Variants in TMEM271 observed in about 807,000 individuals in gnomAD.
TMEM271 encodes transmembrane protein 271.
Position 575,031 on chromosome 4 carries a change from C to T in TMEM271, c.1032G>A (p.Gly344=), listed in dbSNP as rs1732405623. 2.5e-6 allele frequency: 1 copy of T among 397,048 alleles called. No individual in the cohort carries two copies. Among genetic ancestry groups the T allele is most frequent in the South Asian group, 1.3e-4 (1 of 7,856 alleles). 24.6% of individuals were successfully genotyped at this position (397,048 alleles called of 1,614,324 possible). A position where few individuals can be genotyped will look rare whatever the true frequency, so the allele number is the denominator to read the frequency against. The change falls in exon 1 of 1, where the codon GGG becomes GGA. Residue 344 remains glycine (G), a synonymous_variant. Coordinates refer to ENST00000610212, the MANE Select transcript of TMEM271 (RefSeq NM_001362796.2). ...LDEAGAEVRC[G]GHPSVELPGY... Reference sequence around the variant, plus strand: ...CCGGCAGCTCCACCGACGGGTGCCCCCCGCAGCGCACCTCCGCGCCCGCCT... The same window carrying T: ...CCGGCAGCTCCACCGACGGGTGCCCTCCGCAGCGCACCTCCGCGCCCGCCT...
rs1732433296 is a variant in TMEM271, at chr4:576,161, C to G, written c.-99G>C. On this transcript the variant is annotated 5_prime_UTR_variant, in exon 1 of 1. Coordinates refer to ENST00000610212, the MANE Select transcript of TMEM271 (RefSeq NM_001362796.2). ...TCCCGGCGCCGCGCGGCCGGACCGC[C>G]GGCCTCCTCCTCATCCTCCCGCGTC... 3 of 143,960 alleles carry G rather than the reference C, an allele frequency of 2.1e-5. No homozygotes were observed. 8.9% of individuals were successfully genotyped at this position (143,960 alleles called of 1,614,324 possible).
chr4:575,811 C>A lies in TMEM271; in HGVS notation c.252G>T (p.Pro84=). Residue 84 remains proline, a synonymous_variant, in exon 1 of 1, where the codon CCG becomes CCT. Transcript: ENST00000610212. ...CCGCGGGGACCCCCAAACCCGGGCCCGGTTCCGACCCCGCGAGGGGCGCGT... is the reference window on the plus strand; with the variant it reads ...CCGCGGGGACCCCCAAACCCGGGCCAGGTTCCGACCCCGCGAGGGGCGCGT... ...PRDAPLAGSE[P]GPGLGVPAAP... The A allele has an allele frequency of 2.7e-6, 1 of 364,192 alleles. No homozygotes were observed. The highest frequency in any genetic ancestry group is 4.9e-6 in the Non-Finnish European group (1 of 204,220). 22.6% of individuals were successfully genotyped at this position (364,192 alleles called of 1,614,324 possible). A position where few individuals can be genotyped will look rare whatever the true frequency, so the allele number is the denominator to read the frequency against.
rs1732392538 is a variant in TMEM271, at chr4:574,354, A to C, written c.*551T>G. 1 of 152,278 alleles carries C rather than the reference A, an allele frequency of 6.6e-6. No homozygotes were observed. Among genetic ancestry groups the C allele is most frequent in the Admixed American group, 6.5e-5 (1 of 15,292 alleles). 9.4% of individuals were successfully genotyped at this position (152,278 alleles called of 1,614,324 possible). A position where few individuals can be genotyped will look rare whatever the true frequency, so the allele number is the denominator to read the frequency against. ...ATTTTAAATTGCAATAAATTTACCAAACATTTTCACTATTTATGGAGAGCT... is the reference window on the plus strand; with the variant it reads ...ATTTTAAATTGCAATAAATTTACCACACATTTTCACTATTTATGGAGAGCT... On this transcript the variant is annotated 3_prime_UTR_variant, in exon 1 of 1. Transcript: ENST00000610212.
Position 575,829 on chromosome 4 carries a change from G to A in TMEM271, c.234C>T (p.Pro78=), listed in dbSNP as rs1732424989. ...CCGGGCCCGGTTCCGACCCCGCGAGGGGCGCGTCCCGGGGTCCGCAGCAGA... is the reference window on the plus strand; with the variant it reads ...CCGGGCCCGGTTCCGACCCCGCGAGAGGCGCGTCCCGGGGTCCGCAGCAGA... ...ALLCCGPRDA[P]LAGSEPGPGL... is the part of the protein sequence containing the mutation. Residue 78 remains proline, a synonymous_variant, in exon 1 of 1, where the codon CCC becomes CCT. Coordinates refer to ENST00000610212, the MANE Select transcript of TMEM271 (RefSeq NM_001362796.2). 2.7e-6 allele frequency: 1 copy of A among 365,780 alleles called. No homozygotes were observed. The highest frequency in any genetic ancestry group is 4.9e-6 in the Non-Finnish European group (1 of 205,150). 22.7% of individuals were successfully genotyped at this position (365,780 alleles called of 1,614,324 possible).
Position 573,913 on chromosome 4 carries a change from T to G in TMEM271, c.*992A>C, listed in dbSNP as rs1732384393. ...ATTACGGGGTATATTTGAAATGAAATGCTATCATACTCAAAATTACCAGAT... is the reference window on the plus strand; with the variant it reads ...ATTACGGGGTATATTTGAAATGAAAGGCTATCATACTCAAAATTACCAGAT... On this transcript the variant is annotated 3_prime_UTR_variant, in exon 1 of 1. Coordinates refer to ENST00000610212, the MANE Select transcript of TMEM271 (RefSeq NM_001362796.2). 6.6e-6 allele frequency: 1 copy of G among 152,182 alleles called. No homozygotes were observed. Among genetic ancestry groups the G allele is most frequent in the Admixed American group, 6.5e-5 (1 of 15,278 alleles). 9.4% of individuals were successfully genotyped at this position (152,182 alleles called of 1,614,324 possible). A position where few individuals can be genotyped will look rare whatever the true frequency, so the allele number is the denominator to read the frequency against.
rs926971697 is a variant in TMEM271 at position 575,192 on chromosome 4, GCCGCCGCCCCCGCCGGCC to G, written c.853_870del (p.Gly285_Arg290del). Reference sequence around the variant, plus strand: ...GAGGCCTCGCTCGGCCGCTGCTGCAGCCGCCGCCCCCGCCGGCCCCGCCGGCCCCGGCGCGCCCGAGAG... The same window carrying G: ...GAGGCCTCGCTCGGCCGCTGCTGCAGCCGCCGGCCCCGGCGCGCCCGAGAG... On this transcript the variant is annotated inframe_deletion, in exon 1 of 1. Transcript: ENST00000610212. 7 of 381,102 alleles carry G rather than the reference GCCGCCGCCCCCGCCGGCC, an allele frequency of 1.8e-5. No homozygotes were observed. Among genetic ancestry groups the G allele is most frequent in the East Asian group, 1.5e-4 (4 of 27,008 alleles). The allele number at this position is 381,102 out of a possible 1,614,324, so 23.6% of individuals were successfully genotyped here.
Position 574,318 on chromosome 4 carries a change from G to A in TMEM271, c.*587C>T, listed in dbSNP as rs966924071. 1 of 152,158 alleles carries A rather than the reference G, an allele frequency of 6.6e-6. No homozygotes were observed. Among genetic ancestry groups the A allele is most frequent in the Non-Finnish European group, 1.5e-5 (1 of 68,034 alleles). The allele number at this position is 152,158 out of a possible 1,614,324, so 9.4% of individuals were successfully genotyped here. The stretch of plus-strand genomic sequence containing the variant: ...ATAACATAGCAATTAATTTAATAAA[G>A]GAACTCACCAATTTTAAATTGCAAT... On this transcript the variant is annotated 3_prime_UTR_variant, in exon 1 of 1. Transcript: ENST00000610212.
chr4:574,648 G>A lies in TMEM271; in HGVS notation c.*257C>T, dbSNP rs1347608571. On this transcript the variant is annotated 3_prime_UTR_variant, in exon 1 of 1. Coordinates refer to ENST00000610212, the MANE Select transcript of TMEM271 (RefSeq NM_001362796.2). ...ATTGTAAACTTGAAAATGGAATCCAGATATGAACGACACAAATAAGAAGAG... is the reference window on the plus strand; with the variant it reads ...ATTGTAAACTTGAAAATGGAATCCAAATATGAACGACACAAATAAGAAGAG... The A allele has an allele frequency of 2.7e-6, 1 of 370,762 alleles. No homozygotes were observed. Among genetic ancestry groups the A allele is most frequent in the Non-Finnish European group, 4.8e-6 (1 of 208,652 alleles). The allele number at this position is 370,762 out of a possible 1,614,324, so 23.0% of individuals were successfully genotyped here. A position where few individuals can be genotyped will look rare whatever the true frequency, so the allele number is the denominator to read the frequency against.
rs1222755177 is a variant in TMEM271 at position 575,694 on chromosome 4, G to C, written c.369C>G (p.Leu123=). ...GPVSSQNLLL[L]GVLVFMLGVL... is the part of the protein sequence containing the mutation. Reference sequence around the variant, plus strand: ...CCCCGAGCATGAAGACCAGGACGCCGAGCAGAAGCAGGTTCTGGCTGCTCA... The same window carrying C: ...CCCCGAGCATGAAGACCAGGACGCCCAGCAGAAGCAGGTTCTGGCTGCTCA... Residue 123 remains leucine, a synonymous_variant, in exon 1 of 1, where the codon CTC becomes CTG. Coordinates refer to ENST00000610212, the MANE Select transcript of TMEM271 (RefSeq NM_001362796.2). 5.6e-6 allele frequency: 2 copies of C among 358,876 alleles called. No individual in the cohort carries two copies. The highest frequency in any genetic ancestry group is 9.4e-5 in the Admixed American group (2 of 21,316). 22.2% of individuals were successfully genotyped at this position (358,876 alleles called of 1,614,324 possible). A position where few individuals can be genotyped will look rare whatever the true frequency, so the allele number is the denominator to read the frequency against.
Position 574,764 on chromosome 4 carries a change from C to T in TMEM271, c.*141G>A, listed in dbSNP as rs1486389107. On this transcript the variant is annotated 3_prime_UTR_variant, in exon 1 of 1. Coordinates refer to ENST00000610212, the MANE Select transcript of TMEM271 (RefSeq NM_001362796.2). ...GGGGCCAGGCCGGAGGCTGCAAAGC[C>T]ACGTGGAAGAGGCGGCGCCCCTGAG... 5.1e-6 allele frequency: 2 copies of T among 391,968 alleles called. No homozygotes were observed. The highest frequency in any genetic ancestry group is 4.5e-6 in the Non-Finnish European group (1 of 222,226). The allele number at this position is 391,968 out of a possible 1,614,324, so 24.3% of individuals were successfully genotyped here.
rs1324458852 is a variant in TMEM271 at position 574,551 on chromosome 4, A to C, written c.*354T>G. 1 of 194,688 alleles carries C rather than the reference A, an allele frequency of 5.1e-6. No individual in the cohort carries two copies. Among genetic ancestry groups the C allele is most frequent in the Non-Finnish European group, 1.0e-5 (1 of 96,590 alleles). 12.1% of individuals were successfully genotyped at this position (194,688 alleles called of 1,614,324 possible). ...CGCTCTGTCCCCCTCGCCTCGGACC[A>C]CCAGGCAGAGCAGCCCCAGGGTTTG... On this transcript the variant is annotated 3_prime_UTR_variant, in exon 1 of 1. Transcript: ENST00000610212.
chr4:576,262 G>A lies in TMEM271; in HGVS notation c.-200C>T. The stretch of plus-strand genomic sequence containing the variant: ...CGCCGCCGCCGCCGCCGCCGCCGCC[G>A]CGACCCCGCGCCGGGAACCGATGCG... On this transcript the variant is annotated 5_prime_UTR_variant, in exon 1 of 1. Coordinates refer to ENST00000610212, the MANE Select transcript of TMEM271 (RefSeq NM_001362796.2). The A allele has an allele frequency of 6.9e-6, 1 of 144,436 alleles. No homozygotes were observed. Among genetic ancestry groups the A allele is most frequent in the Non-Finnish European group, 1.5e-5 (1 of 68,624 alleles). The allele number at this position is 144,436 out of a possible 1,614,324, so 8.9% of individuals were successfully genotyped here.
chr4:574,736 G>A lies in TMEM271; in HGVS notation c.*169C>T, dbSNP rs1286970652. ...CCCTCCTGTGGTCACGGAGCCCGCA[G>A]AGGGGGCCAGGCCGGAGGCTGCAAA... is the stretch of plus-strand genomic sequence containing the variant. On this transcript the variant is annotated 3_prime_UTR_variant, in exon 1 of 1. Transcript: ENST00000610212. The A allele has an allele frequency of 2.6e-6, 1 of 391,580 alleles. No homozygotes were observed. Among genetic ancestry groups the A allele is most frequent in the African/African-American group, 2.1e-5 (1 of 48,336 alleles). The allele number at this position is 391,580 out of a possible 1,614,324, so 24.3% of individuals were successfully genotyped here.
rs1434833899 is a variant in TMEM271, at chr4:575,261, A to C, written c.802T>G (p.Ser268Ala). ...GCGGGCGGCTGCGCGCGGAGCCCGG[A>C]GCCGCCGCGGGGCCGCGCCAGGGCC... ...GRALARPRGG[S>A]GLRAQPPASR... Residue 268 changes from serine (S) to alanine (A), a missense_variant, in exon 1 of 1, where the codon TCC becomes GCC. Physicochemically the swap from Ser to Ala is moderately conservative, Grantham distance 99. Transcript: ENST00000610212. 2 of 163,262 alleles carry C rather than the reference A, an allele frequency of 1.2e-5. No individual in the cohort carries two copies. Among genetic ancestry groups the C allele is most frequent in the Non-Finnish European group, 2.6e-5 (2 of 77,420 alleles). 10.1% of individuals were successfully genotyped at this position (163,262 alleles called of 1,614,324 possible). A position where few individuals can be genotyped will look rare whatever the true frequency, so the allele number is the denominator to read the frequency against.
rs1241660528 is a variant in TMEM271, at chr4:574,724, A to G, written c.*181T>C. ...ACATCAGGGGCCCCCTCCTGTGGTC[A>G]CGGAGCCCGCAGAGGGGGCCAGGCC... is the stretch of plus-strand genomic sequence containing the variant. On this transcript the variant is annotated 3_prime_UTR_variant, in exon 1 of 1. Transcript: ENST00000610212. The G allele has an allele frequency of 2.6e-6, 1 of 391,328 alleles. No homozygotes were observed. 24.2% of individuals were successfully genotyped at this position (391,328 alleles called of 1,614,324 possible). A position where few individuals can be genotyped will look rare whatever the true frequency, so the allele number is the denominator to read the frequency against.
rs1022179402 is a variant in TMEM271, at chr4:574,479, GTC to G, written c.*424_*425del. ...CTTTCTGAATTACCAGCTGCTCTGC[GTC>G]TCTGTCTGCTCTTCCTCCGTGGGAA... On this transcript the variant is annotated 3_prime_UTR_variant, in exon 1 of 1. Transcript: ENST00000610212. 3 of 163,130 alleles carry G rather than the reference GTC, an allele frequency of 1.8e-5. No individual in the cohort carries two copies. Among genetic ancestry groups the G allele is most frequent in the African/African-American group, 7.1e-5 (3 of 42,038 alleles). 10.1% of individuals were successfully genotyped at this position (163,130 alleles called of 1,614,324 possible). A position where few individuals can be genotyped will look rare whatever the true frequency, so the allele number is the denominator to read the frequency against.
chr4:575,340 G>C lies in TMEM271; in HGVS notation c.723C>G (p.Asn241Lys), dbSNP rs1732412971. Residue 241 changes from asparagine (N) to lysine (K), a missense_variant, in exon 1 of 1, where the codon AAC (asparagine) becomes AAG (lysine). Asn to Lys is a moderately conservative substitution (Grantham distance 94, BLOSUM62 0). Coordinates refer to ENST00000610212, the MANE Select transcript of TMEM271 (RefSeq NM_001362796.2). ...LGLLSLLLVK[N>K]YKSSQARRGR... ...CGCGCCGGGCCTGCGACGACTTGTAGTTCTTGACGAGCAGGAGGCTGAGCA... is the reference window on the plus strand; with the variant it reads ...CGCGCCGGGCCTGCGACGACTTGTACTTCTTGACGAGCAGGAGGCTGAGCA... 4.1e-6 allele frequency: 1 copy of C among 246,112 alleles called. No homozygotes were observed. The highest frequency in any genetic ancestry group is 7.8e-6 in the Non-Finnish European group (1 of 128,476). The allele number at this position is 246,112 out of a possible 1,614,324, so 15.2% of individuals were successfully genotyped here.
At position 574,826 on chromosome 4, in the gene TMEM271, C is replaced by T. The variant is rs1310150512; in HGVS notation, c.*79G>A. 7.6e-6 allele frequency: 3 copies of T among 393,844 alleles called. No individual in the cohort carries two copies. Among genetic ancestry groups the T allele is most frequent in the Non-Finnish European group, 1.3e-5 (3 of 223,120 alleles). The allele number at this position is 393,844 out of a possible 1,614,324, so 24.4% of individuals were successfully genotyped here. On this transcript the variant is annotated 3_prime_UTR_variant, in exon 1 of 1. Transcript: ENST00000610212. The stretch of plus-strand genomic sequence containing the variant: ...GACCCCGCCCCGCTGCCCGTCCTCC[C>T]TTGCCGCGGGGGTCCTGAGCGGGGC...
Position 575,123 on chromosome 4 carries a change from A to G in TMEM271, c.940T>C (p.Cys314Arg). 2.5e-6 allele frequency: 1 copy of G among 395,284 alleles called. No homozygotes were observed. Among genetic ancestry groups the G allele is most frequent in the Non-Finnish European group, 4.5e-6 (1 of 224,184 alleles). The allele number at this position is 395,284 out of a possible 1,614,324, so 24.5% of individuals were successfully genotyped here. A position where few individuals can be genotyped will look rare whatever the true frequency, so the allele number is the denominator to read the frequency against. Residue 314 changes from cysteine (C) to arginine (R), a missense_variant, in exon 1 of 1, where the codon TGC becomes CGC. Transcript: ENST00000610212. Reference protein sequence around the residue: ...EESDLAAPGDCAGFAAHHAVS... With the variant: ...EESDLAAPGDRAGFAAHHAVS... ...GCGTGGTGCGCCGCGAAGCCCGCGCAGTCCCCGGGGGCGGCCAGGTCCGAC... is the reference window on the plus strand; with the variant it reads ...GCGTGGTGCGCCGCGAAGCCCGCGCGGTCCCCGGGGGCGGCCAGGTCCGAC...
Sources: allele counts gnomAD v4.1 joint callset, GRCh38; gene constraint gnomAD v4.1.1; transcripts MANE v1.5; gene names NCBI Gene and HGNC (gene_info 2026-07-23, HGNC 2026-07-21).